TNR: variants seen among roughly 807,000 people sequenced by gnomAD.
The protein encoded by TNR is tenascin-R.
A neutral mutation model predicts 150.4 loss-of-function variants in TNR; 45 were observed. The observed-to-expected ratio is 0.30, with a 90% CI of 0.24 to 0.38. The LOEUF (loss-of-function observed/expected upper bound fraction) is 0.38. TNR is among the 10% of genes least tolerant of loss of function. TNR has a pLI of 1.00. For synonymous variants in TNR, 687 were observed against 678.4 expected (o/e 1.01, Z -0.20); for missense variants, 1,544 against 1,759.1 (o/e 0.88, Z 2.19).
intron 1 of TNR, among the ~76,000 whole-genome samples, chr1:175,589,193 A>C (rs1662694639): frequency 6.6e-6 from 1 of 152,196 alleles, no homozygotes; most frequent in Admixed American, 6.5e-5. Context: ...AAGATCTCAA[A>C]TCTTGACCCC....
intron 1 of TNR, among the ~76,000 whole-genome samples, chr1:175,657,883 A>ATATATATATATATATATATATGTGTGTG (rs1464419575): frequency 3.0e-5 from 3 of 101,132 alleles, no homozygotes; most frequent in Non-Finnish European, 4.1e-5. Flanking sequence ...ATATATATAT[A>ATATATATATATATATATATATGTGTGTG]TGTAACAAAC....
intron 15 of TNR, 49 bp from the exon 16 acceptor site, chr1:175,356,511 A>G (rs773878100): frequency 1.2e-6 from 2 of 1,602,230 alleles, no homozygotes; most frequent in Non-Finnish European, 1.7e-6. Context: ...TACTCAGTTT[A>G]GGAAAGATCT....
rs892366709 is a variant in TNR, at chr1:175,503,202, G to A, written c.-64+25067C>T. On this transcript the variant is annotated intron_variant, in intron 2 of 22. Coordinates refer to ENST00000367674, the MANE Select transcript of TNR (RefSeq NM_003285.3). ...AGAAGCCTCCCTAAGATGAGAAGGCGCAGCTGAATGGGCCTCTGAAAGGCT... is the reference window on the plus strand; with the variant it reads ...AGAAGCCTCCCTAAGATGAGAAGGCACAGCTGAATGGGCCTCTGAAAGGCT... 3.3e-5 allele frequency among the ~76,000 whole-genome samples: 5 copies of A among 152,184 alleles called. No individual in the cohort carries two copies. The South Asian group carries it at 6.2e-4, about 19-fold the overall frequency.
chr1:175,335,641 A>T lies in TNR; in HGVS notation c.3631+70T>A, dbSNP rs551749161. The T allele has an allele frequency of 6.9e-6, 10 of 1,447,060 alleles. No individual in the cohort carries two copies. The Admixed American group carries it at 1.9e-4, about 28-fold the overall frequency. 89.6% of individuals were successfully genotyped at this position (1,447,060 alleles called of 1,614,324 possible). A position where few individuals can be genotyped will look rare whatever the true frequency, so the allele number is the denominator to read the frequency against. On this transcript the variant is annotated intron_variant, in intron 20 of 22. Coordinates refer to ENST00000367674, the MANE Select transcript of TNR (RefSeq NM_003285.3). The stretch of plus-strand genomic sequence containing the variant: ...CAGGGTTTCTGATAATCTCAGATGG[A>T]CACAAAAAGGAGAGAGATGGACAAA...
rs1491510528 is a variant in TNR at position 175,709,292 on chromosome 1, TTC to T, written c.-165+33932_-165+33933del. 7.1e-3 allele frequency among the ~76,000 whole-genome samples: 954 copies of T among 133,690 alleles called. 13 individuals are homozygous for T. The highest frequency in any genetic ancestry group is 0.026 in the African/African-American group (870 of 33,644). 87.7% of individuals were successfully genotyped at this position (133,690 alleles called of 152,430 possible). A position where few individuals can be genotyped will look rare whatever the true frequency, so the allele number is the denominator to read the frequency against. On this transcript the variant is annotated intron_variant, in intron 1 of 22. Coordinates refer to ENST00000367674, the MANE Select transcript of TNR (RefSeq NM_003285.3). Reference sequence around the variant, plus strand: ...CCAAAATTGGGCTTCCTCCCTTGCTTTCACACACACACACATACACACACACA... The same window carrying T: ...CCAAAATTGGGCTTCCTCCCTTGCTTACACACACACACATACACACACACA...
chr1:175,526,795 G>A (rs1410450022), intron 2 of TNR, among the ~76,000 whole-genome samples: 1 of 152,220 alleles, frequency 6.6e-6, no homozygotes, highest in African/African-American at 2.4e-5. Flanking sequence ...GAGCCATGAG[G>A]GGACCTGGCT....
At position 175,406,657 on chromosome 1, in the gene TNR, T is replaced by C; in HGVS notation, c.58A>G (p.Ile20Val). ...LKNMLIGINLILLGSMIKPSE... is the reference protein window; with the variant it reads ...LKNMLIGINLVLLGSMIKPSE... ...GGCTTGATCATGGAGCCCAGAAGGA[T>C]CAGGTTGATGCCAATGAGCATGTTC... Residue 20 changes from isoleucine to valine, a missense_variant, in exon 3 of 23, where the codon ATC (isoleucine) becomes GTC (valine). This residue lies in a region of TNR where 1,254 missense variants were observed against 1,329.4 expected (regional missense o/e 0.94). Coordinates refer to ENST00000367674, the MANE Select transcript of TNR (RefSeq NM_003285.3). 1 of 1,614,166 alleles carries C rather than the reference T, an allele frequency of 6.2e-7. No homozygotes were observed. Among genetic ancestry groups the C allele is most frequent in the Non-Finnish European group, 8.5e-7 (1 of 1,180,038 alleles).
chr1:175,695,133 GTAACT>G (rs1666476401), intron 1 of TNR, among the ~76,000 whole-genome samples: 1 of 152,206 alleles, frequency 6.6e-6, no homozygotes, highest in African/African-American at 2.4e-5. Flanking sequence ...GGGATAAGGT[GTAACT>G]TCCAGATTAG....
Position 175,691,088 on chromosome 1 carries a change from A to G in TNR, c.-165+52138T>C, listed in dbSNP as rs114807654. 1.9e-3 allele frequency among the ~76,000 whole-genome samples: 295 copies of G among 152,152 alleles called. 1 individual carries two copies. Among genetic ancestry groups the G allele is most frequent in the African/African-American group, 6.9e-3 (286 of 41,440 alleles). On this transcript the variant is annotated intron_variant, in intron 1 of 22. Transcript: ENST00000367674. ...ATTTTAAACTTGAGATGTTAATTAA[A>G]CATCTCTATAGTAAGTAGTTGGATA...
chr1:175,481,817 C>T (rs868623136), intron 2 of TNR, among the ~76,000 whole-genome samples: 2 of 152,146 alleles, frequency 1.3e-5, no homozygotes, highest in South Asian at 2.1e-4. Context: ...TCTAGATTGA[C>T]GCAGAACTTT....
At chr1:175,616,790 G>A (rs188636769) in intron 1 of TNR, among the ~76,000 whole-genome samples, 97 of 152,316 alleles carry the variant, frequency 6.4e-4, no homozygotes, top group African/African-American at 2.3e-3. Context: ...TACTCCCTGT[G>A]TGACTTTTGC....
intron 9 of TNR, among the ~76,000 whole-genome samples, chr1:175,373,745 G>A (rs1179470069): frequency 1.6e-5 from 2 of 122,506 alleles, no homozygotes; most frequent in Admixed American, 7.9e-5. Flanking sequence ...ACTCCCTGCT[G>A]AGGAGTGGAA....
chr1:175,693,535 C>G (rs954880760), intron 1 of TNR, among the ~76,000 whole-genome samples: 2 of 152,196 alleles, frequency 1.3e-5, no homozygotes, highest in African/African-American at 4.8e-5. Flanking sequence ...TCCCTCCCTC[C>G]TCTTAGGTTT....
intron 1 of TNR, among the ~76,000 whole-genome samples, chr1:175,563,590 C>T (rs1661517438): frequency 6.6e-6 from 1 of 152,190 alleles, no homozygotes; most frequent in South Asian, 2.1e-4. Flanking sequence ...AGAGGGCATC[C>T]ATCAATTAAA....
At chr1:175,650,937 A>ACTCCTCCCCATCTCATTACTC (rs1664960938) in intron 1 of TNR, among the ~76,000 whole-genome samples, 1 of 11,266 alleles carries the variant, frequency 8.9e-5, no homozygotes. Context: ...CCTCATTACT[A>ACTCCTCCCCATCTCATTACTC]CCCCTCCCCA....
At chr1:175,653,348 G>A (rs1379247519) in intron 1 of TNR, among the ~76,000 whole-genome samples, 2 of 152,322 alleles carry the variant, frequency 1.3e-5, no homozygotes, top group African/African-American at 2.4e-5. Context: ...GACATGGGCA[G>A]TTCTTAACAA....
intron 1 of TNR, among the ~76,000 whole-genome samples, chr1:175,561,896 A>G (rs16848616): frequency 0.11 from 16,678 of 152,160 alleles, 3,029 homozygotes; most frequent in African/African-American, 0.38. Flanking sequence ...TTCAGTGGCC[A>G]TGATCCATTG....
intron 1 of TNR, among the ~76,000 whole-genome samples, chr1:175,725,801 C>T (rs1667461165): frequency 6.6e-6 from 1 of 152,140 alleles, no homozygotes; most frequent in Non-Finnish European, 1.5e-5. Flanking sequence ...CATGTCTCCC[C>T]TCAATGAATG....
At chr1:175,534,987 T>C (rs1472084193) in intron 1 of TNR, among the ~76,000 whole-genome samples, 1 of 152,188 alleles carries the variant, frequency 6.6e-6, no homozygotes, top group African/African-American at 2.4e-5. Flanking sequence ...AAGGACATGT[T>C]TCCTTCCCCT....
Sources: gnomAD v4.1 joint callset for allele counts (sites outside exome capture counted in the v4.1 genomes callset) on GRCh38, gnomAD v4.1.1 for gene constraint, gnomAD v4.1.1 regional missense constraint, MANE v1.5 for transcripts, NCBI Gene and HGNC (gene_info 2026-07-23, HGNC 2026-07-21) for gene names.